CSMD1: variants seen among roughly 807,000 people sequenced by gnomAD.
The protein encoded by CSMD1 is CUB and Sushi multiple domains 1.
CSMD1 carries 213 observed loss-of-function variants against 417.5 expected under a neutral mutation model. The ratio of observed to expected loss-of-function variants is 0.51; its 90% CI spans 0.46 to 0.57. The LOEUF (loss-of-function observed/expected upper bound fraction) is 0.57, where lower values mean the gene tolerates loss of function less well. Ranked by LOEUF, CSMD1 falls within the 20% of genes least tolerant of loss-of-function variation. The pLI is 0.00. For missense variants in CSMD1, 6,923 were observed against 4,529.7 expected (o/e 1.53, Z -15.17); for synonymous variants, 2,862 against 1,736.8 (o/e 1.65, Z -16.11).
intron 2 of CSMD1, among the ~76,000 whole-genome samples, chr8:4,507,624 T>A (rs1237318152): frequency 6.6e-6 from 1 of 152,170 alleles, no homozygotes; most frequent in Non-Finnish European, 1.5e-5. Flanking sequence ...TATTTCCAAT[T>A]GTGACAAAAA....
chr8:2,947,241 G>T (rs1483001234), intron 68 of CSMD1, among the ~76,000 whole-genome samples: 2 of 152,100 alleles, frequency 1.3e-5, no homozygotes, highest in Non-Finnish European at 2.9e-5. Flanking sequence ...GCAAGTTTTT[G>T]CATTAAATTT....
chr8:4,959,252 G>C (rs148191777), intron 1 of CSMD1, among the ~76,000 whole-genome samples: 1 of 152,112 alleles, frequency 6.6e-6, no homozygotes, highest in Non-Finnish European at 1.5e-5. Context: ...ATGGATTCTG[G>C]GGTCATATGT....
At chr8:4,306,964 C>G (rs62478630) in intron 3 of CSMD1, among the ~76,000 whole-genome samples, 10,239 of 152,222 alleles carry the variant, frequency 0.067, 454 homozygotes, top group Non-Finnish European at 0.095. Flanking sequence ...CCAAGCATCT[C>G]TCAGATCGAC....
intron 23 of CSMD1, among the ~76,000 whole-genome samples, chr8:3,322,271 A>AT (rs1351675521): frequency 6.6e-6 from 1 of 152,076 alleles, no homozygotes; most frequent in Admixed American, 6.6e-5. Flanking sequence ...GAATCATTTT[A>AT]TTTTTATATT....
At chr8:4,403,039 G>C (rs971240478) in intron 3 of CSMD1, among the ~76,000 whole-genome samples, 1 of 151,518 alleles carries the variant, frequency 6.6e-6, no homozygotes, top group Non-Finnish European at 1.5e-5. Flanking sequence ...CACCACGTTG[G>C]CCAGGATGGT....
chr8:4,006,970 G>C (rs886311892), intron 4 of CSMD1, among the ~76,000 whole-genome samples: 2 of 151,742 alleles, frequency 1.3e-5, no homozygotes, highest in Non-Finnish European at 2.9e-5. Context: ...TGGGACTACA[G>C]GCACACACCA....
chr8:4,021,416 T>C (rs1468304988), intron 4 of CSMD1, among the ~76,000 whole-genome samples: 5 of 152,204 alleles, frequency 3.3e-5, no homozygotes, highest in Non-Finnish European at 7.3e-5. Flanking sequence ...TTGTGTTATA[T>C]GTTGAGTGGA....
chr8:4,045,169 G>C (rs200378822), intron 3 of CSMD1, among the ~76,000 whole-genome samples: 1 of 152,108 alleles, frequency 6.6e-6, no homozygotes, highest in African/African-American at 2.4e-5. Flanking sequence ...CGTGGGCTGG[G>C]GTACCGGGTG....
intron 1 of CSMD1, among the ~76,000 whole-genome samples, chr8:4,782,023 C>T (rs1797175567): frequency 6.6e-6 from 1 of 152,194 alleles, no homozygotes; most frequent in Non-Finnish European, 1.5e-5. Context: ...ATGCACCTTT[C>T]TCAGTCCAAA....
intron 3 of CSMD1, among the ~76,000 whole-genome samples, chr8:4,107,478 A>G (rs1801627817): frequency 6.6e-6 from 1 of 152,226 alleles, no homozygotes; most frequent in South Asian, 2.1e-4. Flanking sequence ...TACAAGTGAA[A>G]CGGATATTTC....
At chr8:4,017,020 G>A (rs1323319006) in intron 4 of CSMD1, among the ~76,000 whole-genome samples, 4 of 152,158 alleles carry the variant, frequency 2.6e-5, no homozygotes, top group African/African-American at 9.7e-5. Context: ...ACTTTCAGAA[G>A]GAAGAGCCAC....
intron 1 of CSMD1, among the ~76,000 whole-genome samples, chr8:4,782,423 C>T (rs1036324407): frequency 1.3e-5 from 2 of 152,038 alleles, no homozygotes; most frequent in Admixed American, 1.3e-4. Context: ...ATAAAAGACA[C>T]CACAGTTTTA....
intron 2 of CSMD1, among the ~76,000 whole-genome samples, chr8:4,469,782 A>T (rs918322307): frequency 4.6e-5 from 7 of 151,586 alleles, no homozygotes; most frequent in Admixed American, 4.6e-4. Context: ...AGGCGACAGC[A>T]CTCCTCTGCT....
chr8:4,448,276 A>T (rs1044083813), intron 2 of CSMD1, among the ~76,000 whole-genome samples: 2 of 152,178 alleles, frequency 1.3e-5, no homozygotes, highest in Admixed American at 1.3e-4. Context: ...TTCCAAATAT[A>T]GTTATAACAC....
chr8:4,265,575 C>T lies in CSMD1; in HGVS notation c.415+154378G>A, dbSNP rs1804187675. 1.9e-5 allele frequency among the ~76,000 whole-genome samples: 2 copies of T among 104,168 alleles called. 1 individual carries two copies. The allele number at this position is 104,168 out of a possible 152,430, so 68.3% of individuals were successfully genotyped here. ...TATTCATATACTCCTATGTTTTATG[C>T]TATATTTTATGGAATACAAAACAAG... On this transcript the variant is annotated intron_variant, in intron 3 of 69. Transcript: ENST00000635120.
At position 4,028,280 on chromosome 8, in the gene CSMD1, C is replaced by T. The variant is rs543175394; in HGVS notation, c.610+3625G>A. On this transcript the variant is annotated intron_variant, in intron 4 of 69. Transcript: ENST00000635120. Reference sequence around the variant, plus strand: ...TAGCACAAATACCTTGAGCAAGTCACTTTTCCTACCTGAAGTCCAGATTCC... The same window carrying T: ...TAGCACAAATACCTTGAGCAAGTCATTTTTCCTACCTGAAGTCCAGATTCC... Among the ~76,000 whole-genome samples, 5 of 152,226 alleles carry T rather than the reference C, an allele frequency of 3.3e-5. No homozygotes were observed. In the East Asian group the frequency reaches 9.7e-4, roughly 29 times the overall value.
intron 5 of CSMD1, among the ~76,000 whole-genome samples, chr8:3,986,800 G>C (rs1038420635): frequency 6.6e-6 from 1 of 151,954 alleles, no homozygotes; most frequent in African/African-American, 2.4e-5. Flanking sequence ...CTGTTGCCCA[G>C]GCTGGAATGC....
intron 3 of CSMD1, among the ~76,000 whole-genome samples, chr8:4,210,675 G>GCCAATTTT (rs1423215582): frequency 6.6e-6 from 1 of 151,942 alleles, no homozygotes; most frequent in African/African-American, 2.4e-5. Flanking sequence ...TCTGAAGAAA[G>GCCAATTTT]CCAATTTTCC....
intron 3 of CSMD1, among the ~76,000 whole-genome samples, chr8:4,053,265 A>C (rs1301207316): frequency 4.6e-5 from 7 of 152,248 alleles, no homozygotes; most frequent in African/African-American, 1.7e-4. Context: ...GATTTATTCA[A>C]AGAAAAGTAT....
Sources: gnomAD v4.1 joint callset for allele counts (sites outside exome capture counted in the v4.1 genomes callset) on GRCh38, gnomAD v4.1.1 for gene constraint, MANE v1.5 for transcripts, NCBI Gene and HGNC (gene_info 2026-07-23, HGNC 2026-07-21) for gene names.